STARD13: variants seen among roughly 807,000 people sequenced by gnomAD.
STARD13 encodes the protein stAR-related lipid transfer protein 13.
A neutral mutation model predicts 106.4 loss-of-function variants in STARD13; 62 were observed. The ratio of observed to expected loss-of-function variants is 0.58; its 90% CI spans 0.48 to 0.72. The LOEUF is 0.72. Ranked by LOEUF, STARD13 falls within the 30% of genes least tolerant of loss-of-function variation. The pLI, the probability that STARD13 is intolerant of heterozygous loss-of-function variation, is 0.00. For synonymous variants in STARD13, 565 were observed against 553.0 expected (o/e 1.02, Z -0.31); for missense variants, 1,387 against 1,424.0 (o/e 0.97, Z 0.42).
chr13:33,140,659 C>A (rs1879690374), intron 4 of STARD13, among the ~76,000 whole-genome samples: 1 of 151,952 alleles, frequency 6.6e-6, no homozygotes, highest in Admixed American at 6.6e-5. Context: ...AGCAGAAATT[C>A]AGATTAAAGT....
At chr13:33,609,123 A>C in the STARD13 span, among the ~76,000 whole-genome samples, 1 of 151,352 alleles carries the variant, frequency 6.6e-6, no homozygotes, top group African/African-American at 2.4e-5. Flanking sequence ...GATACATTTA[A>C]CTACATTGAA....
At chr13:33,477,565 A>G in the STARD13 span, among the ~76,000 whole-genome samples, 8 of 152,362 alleles carry the variant, frequency 5.3e-5, no homozygotes, top group East Asian at 1.4e-3. Context: ...AGAAAAAACT[A>G]AAACTGAATT....
chr13:33,673,062 CT>C, the STARD13 span, among the ~76,000 whole-genome samples: 1 of 152,180 alleles, frequency 6.6e-6, no homozygotes, highest in Admixed American at 6.5e-5. Flanking sequence ...CCTGCTTGAG[CT>C]AAGCACTGAC....
the STARD13 span, among the ~76,000 whole-genome samples, chr13:33,604,980 A>G: frequency 6.6e-6 from 1 of 151,646 alleles, no homozygotes; most frequent in Non-Finnish European, 1.5e-5. Flanking sequence ...TGTGGCTCTC[A>G]CCTGTAATCC....
chr13:33,264,190 C>T (rs950270131), intron 1 of STARD13, among the ~76,000 whole-genome samples: 9 of 152,202 alleles, frequency 5.9e-5, no homozygotes, highest in Non-Finnish European at 1.0e-4. Context: ...AGGCATAGCC[C>T]GCAGGTCTTG....
Position 33,129,982 on chromosome 13 carries a change from A to C in STARD13, c.695T>G (p.Leu232Arg). Residue 232 changes from leucine to arginine, a missense_variant, in exon 5 of 14, where the codon CTC becomes CGC. Coordinates refer to ENST00000336934, the MANE Select transcript of STARD13 (RefSeq NM_178006.4). ...MLDAPLVSSS[L>R]PQPPRDVLNH... ...GAGGACATCTCTGGGGGGCTGTGGG[A>C]GGCTGCTGCTGACGAGTGGGGCATC... 1 of 1,613,066 alleles carries C rather than the reference A, an allele frequency of 6.2e-7. No individual in the cohort carries two copies. The highest frequency in any genetic ancestry group is 1.1e-5 in the South Asian group (1 of 91,028).
chr13:33,474,813 G>T, the STARD13 span, among the ~76,000 whole-genome samples: 2 of 152,054 alleles, frequency 1.3e-5, no homozygotes, highest in South Asian at 2.1e-4. Context: ...ACTTTTGTTG[G>T]TTTAATAAAA....
At chr13:33,424,852 C>T in the STARD13 span, among the ~76,000 whole-genome samples, 1 of 152,106 alleles carries the variant, frequency 6.6e-6, no homozygotes, top group Non-Finnish European at 1.5e-5. Context: ...AGAAAACTTG[C>T]AATGTTACTC....
chr13:33,593,047 G>T, the STARD13 span, among the ~76,000 whole-genome samples: 4 of 152,178 alleles, frequency 2.6e-5, no homozygotes, highest in African/African-American at 9.7e-5. Flanking sequence ...TGCTCCATGG[G>T]TGCACTAGGT....
chr13:33,283,135 A>G (rs1891884339), intron 1 of STARD13, among the ~76,000 whole-genome samples: 2 of 152,210 alleles, frequency 1.3e-5, no homozygotes, highest in African/African-American at 4.8e-5. Context: ...TGTTTCCACT[A>G]GAGAAATATA....
chr13:33,675,843 T>C, the STARD13 span, among the ~76,000 whole-genome samples: 1 of 152,162 alleles, frequency 6.6e-6, no homozygotes, highest in Non-Finnish European at 1.5e-5. Flanking sequence ...GAGAGAAATA[T>C]TATACAGTGA....
the STARD13 span, among the ~76,000 whole-genome samples, chr13:33,442,477 A>C: frequency 2.6e-5 from 4 of 152,236 alleles, no homozygotes; most frequent in African/African-American, 9.6e-5. Context: ...AAGTATGGCC[A>C]AGTATTATCT....
the STARD13 span, among the ~76,000 whole-genome samples, chr13:33,630,521 C>T: frequency 0.012 from 1,843 of 151,480 alleles, 38 homozygotes; most frequent in African/African-American, 0.042. Context: ...AGAGATTCAA[C>T]GTAGTCACTC....
chr13:33,408,771 C>T, the STARD13 span, among the ~76,000 whole-genome samples: 1 of 152,154 alleles, frequency 6.6e-6, no homozygotes, highest in African/African-American at 2.4e-5. Context: ...CCACCTCCCT[C>T]ACCTCTCTCT....
chr13:33,469,946 G>A, the STARD13 span, among the ~76,000 whole-genome samples: 23 of 152,118 alleles, frequency 1.5e-4, no homozygotes, highest in African/African-American at 4.6e-4. Flanking sequence ...TGGGGTACAT[G>A]TGCAAAACGT....
chr13:33,569,137 C>G, the STARD13 span, among the ~76,000 whole-genome samples: 7 of 147,736 alleles, frequency 4.7e-5, 1 homozygote, highest in African/African-American at 1.7e-4. Flanking sequence ...AATTTATATG[C>G]ATGGCCTGTT....
chr13:33,327,639 G>T (rs114383798), intron 1 of STARD13, among the ~76,000 whole-genome samples: 93 of 152,302 alleles, frequency 6.1e-4, no homozygotes, highest in African/African-American at 2.2e-3. Context: ...CGATAGCACT[G>T]GGATTACAGG....
chr13:33,244,014 TC>T (rs1283767339), intron 1 of STARD13, among the ~76,000 whole-genome samples: 1 of 95,050 alleles, frequency 1.1e-5, no homozygotes, highest in African/African-American at 3.4e-5. Flanking sequence ...AGATTCCGGC[TC>T]TTTTTTTTTT....
At chr13:33,490,941 A>T in the STARD13 span, among the ~76,000 whole-genome samples, 1 of 152,184 alleles carries the variant, frequency 6.6e-6, no homozygotes, top group African/African-American at 2.4e-5. Flanking sequence ...GCACCTGCCC[A>T]TCTGCATGCT....
Sources: allele counts gnomAD v4.1 joint callset (sites outside exome capture counted in the v4.1 genomes callset), GRCh38; gene constraint gnomAD v4.1.1; transcripts MANE v1.5; gene names NCBI Gene and HGNC (gene_info 2026-07-23, HGNC 2026-07-21).